Variants in DYSF observed in about 807,000 individuals in gnomAD.
DYSF encodes the protein dysferlin.
In DYSF, 212 loss-of-function variants were observed where a neutral mutation model predicts 274.9. The observed-to-expected ratio is 0.77, with a 90% CI of 0.69 to 0.86. The LOEUF (loss-of-function observed/expected upper bound fraction) is 0.86, where lower values mean the gene tolerates loss of function less well. DYSF is among the 40% of genes least tolerant of loss of function. DYSF has a pLI of 0.00. For missense variants in DYSF, 2,666 were observed against 2,783.2 expected (o/e 0.96, Z 0.95); for synonymous variants, 1,091 against 1,078.7 (o/e 1.01, Z -0.22).
At chr2:71,657,941 C>G (rs1227562423) in intron 43 of DYSF, among the ~76,000 whole-genome samples, 1 of 152,208 alleles carries the variant, frequency 6.6e-6, no homozygotes, top group Non-Finnish European at 1.5e-5. Context: ...CTCCTTGCTA[C>G]TTATGCAAAT....
At chr2:71,655,511 A>C (rs1185623664) in intron 42 of DYSF, among the ~76,000 whole-genome samples, 1 of 152,244 alleles carries the variant, frequency 6.6e-6, no homozygotes, top group African/African-American at 2.4e-5. Context: ...TTGCTGCTTT[A>C]TTAAATCCTA....
chr2:71,679,359 G>A (rs2095267149), intron 53 of DYSF, 124 bp downstream of exon 53: 2 of 956,236 alleles, frequency 2.1e-6, no homozygotes, highest in African/African-American at 3.4e-5. Context: ...CCCCTCTCCT[G>A]CCCCCATCCC....
At chr2:71,598,261 C>T (rs2093454188) in intron 32 of DYSF, among the ~76,000 whole-genome samples, 2 of 152,244 alleles carry the variant, frequency 1.3e-5, no homozygotes, top group Non-Finnish European at 1.5e-5. Flanking sequence ...GCACTCACTT[C>T]CCCCAGCTGG....
intron 48 of DYSF, 113 bp from the exon 49 acceptor site, chr2:71,668,641 G>T (rs1474415996): frequency 4.9e-6 from 5 of 1,023,506 alleles, no homozygotes; most frequent in Non-Finnish European, 7.3e-6. Flanking sequence ...GGCTTTCTCT[G>T]GAAGGGCCTG....
At chr2:71,577,601 C>T (rs2092752247) in intron 30 of DYSF, among the ~76,000 whole-genome samples, 1 of 151,946 alleles carries the variant, frequency 6.6e-6, no homozygotes, top group Admixed American at 6.6e-5. Flanking sequence ...CACACCAACA[C>T]ATAGACACAC....
rs1421214307 is a variant in DYSF, at chr2:71,553,293, G to T, written c.1984+105G>T. Reference sequence around the variant, plus strand: ...GAAAGCTGCCAGAGTCTACTCAAAGGCCCTGGTCCTGGCCCTGGCAAACCT... The same window carrying T: ...GAAAGCTGCCAGAGTCTACTCAAAGTCCCTGGTCCTGGCCCTGGCAAACCT... On this transcript the variant is annotated intron_variant, in intron 20 of 55. Coordinates refer to ENST00000410020, the MANE Select transcript of DYSF (RefSeq NM_001130987.2). 5 of 1,541,296 alleles carry T rather than the reference G, an allele frequency of 3.2e-6. No individual in the cohort carries two copies. The East Asian group carries it at 1.1e-4, about 35-fold the overall frequency.
intron 4 of DYSF, among the ~76,000 whole-genome samples, chr2:71,508,370 G>A (rs778802385): frequency 7.2e-5 from 11 of 152,102 alleles, no homozygotes; most frequent in South Asian, 2.1e-4. Context: ...GACCCCAGTC[G>A]CGGCTCATCC....
intron 41 of DYSF, among the ~76,000 whole-genome samples, chr2:71,637,945 G>A (rs1374832700): frequency 2.6e-5 from 4 of 152,144 alleles, no homozygotes; most frequent in Non-Finnish European, 5.9e-5. Context: ...GGTGTGGCCG[G>A]GAGGAAGGTC....
intron 14 of DYSF, among the ~76,000 whole-genome samples, chr2:71,533,073 G>T (rs910757858): frequency 2.0e-5 from 3 of 152,156 alleles, no homozygotes; most frequent in African/African-American, 7.2e-5. Context: ...AGGCTGGAGT[G>T]CAGTGGTGCA....
rs1355738483 is a variant in DYSF at position 71,679,095 on chromosome 2, G to A, written c.5923G>A (p.Ala1975Thr). Residue 1975 changes from alanine (A) to threonine (T), a missense_variant, in exon 53 of 56, where the codon GCC becomes ACC. Around this residue, in one of 3 missense-constraint regions of DYSF, gnomAD observed 1,460 missense variants for 1,502.1 expected, o/e 0.97. Transcript: ENST00000410020. ...QLDLNRMPKP[A>T]KTAKKCSLDQ... ...CGATCTCAACCGCATGCCCAAGCCA[G>A]CCAAGACAGCCAAGAAGTGCTCCTT... 4 of 1,614,026 alleles carry A rather than the reference G, an allele frequency of 2.5e-6. No individual in the cohort carries two copies. The Admixed American group carries it at 6.7e-5, about 27-fold the overall frequency.
Position 71,643,960 on chromosome 2 carries a change from C to G in DYSF, c.4528-5C>G, listed in dbSNP as rs774448845. On this transcript the variant is annotated splice_polypyrimidine_tract_variant and splice_region_variant and intron_variant, in intron 41 of 55. Coordinates refer to ENST00000410020, the MANE Select transcript of DYSF (RefSeq NM_001130987.2). ...GAAATGGTCTCTTTCTTTCTACCCA[C>G]TCAGGAGGAAGAGTTCATCGATTGG... 27 of 1,605,566 alleles carry G rather than the reference C, an allele frequency of 1.7e-5. No individual in the cohort carries two copies. Among genetic ancestry groups the G allele is most frequent in the Admixed American group, 5.1e-5 (3 of 59,120 alleles).
intron 30 of DYSF, among the ~76,000 whole-genome samples, chr2:71,585,299 G>A (rs1246048643): frequency 6.6e-6 from 1 of 152,326 alleles, no homozygotes; most frequent in Non-Finnish European, 1.5e-5. Flanking sequence ...GAGGCTATGC[G>A]TGTTAGAATG....
intron 51 of DYSF, among the ~76,000 whole-genome samples, chr2:71,670,871 G>A (rs1367452364): frequency 6.6e-6 from 1 of 152,032 alleles, no homozygotes. Context: ...GTCCCACCCG[G>A]CATTAAATTC....
rs1342948750 is a variant in DYSF, at chr2:71,598,832, C to G, written c.3756+87C>G. 3.3e-6 allele frequency: 5 copies of G among 1,498,414 alleles called. No individual in the cohort carries two copies. The African/African-American group carries it at 6.8e-5, about 20-fold the overall frequency. The allele number at this position is 1,498,414 out of a possible 1,614,324, so 92.8% of individuals were successfully genotyped here. On this transcript the variant is annotated intron_variant, in intron 33 of 55. Transcript: ENST00000410020. ...TCTCCAGGGACTCGTGGCTGCCCAG[C>G]CAGATGGGTGCTCTCCTAACTCCAC...
chr2:71,520,190 A>G lies in DYSF; in HGVS notation c.1015A>G (p.Thr339Ala), dbSNP rs781572695. 1.8e-5 allele frequency: 29 copies of G among 1,614,148 alleles called. No homozygotes were observed. Among genetic ancestry groups the G allele is most frequent in the Non-Finnish European group, 2.4e-5 (28 of 1,180,044 alleles). The change falls in exon 11 of 56, where the codon ACC (threonine) becomes GCC (alanine). Residue 339 changes from threonine to alanine, a missense_variant. Coordinates refer to ENST00000410020, the MANE Select transcript of DYSF (RefSeq NM_001130987.2). ...TCATTGATTGCAGATGGACGTGGGC[A>G]CCATTTACAGAGAGCCCCGTGAGTT... Reference protein sequence around the residue: ...LLGEFRMDVGTIYREPRHAYL... With the variant: ...LLGEFRMDVGAIYREPRHAYL...
chr2:71,528,549 C>A, intron 14 of DYSF, 148 bp downstream of exon 14: 1 of 694,620 alleles, frequency 1.4e-6, no homozygotes, highest in Non-Finnish European at 2.5e-6. Flanking sequence ...TGGTGAGACA[C>A]CCACATAGGC....
intron 51 of DYSF, among the ~76,000 whole-genome samples, chr2:71,672,523 C>T (rs892425291): frequency 1.4e-4 from 21 of 152,202 alleles, no homozygotes; most frequent in African/African-American, 4.8e-4. Context: ...GCCAGGCTCC[C>T]CACCTGGAGC....
At chr2:71,512,311 C>T (rs2086182613) in intron 5 of DYSF, among the ~76,000 whole-genome samples, 1 of 152,200 alleles carries the variant, frequency 6.6e-6, no homozygotes, top group Admixed American at 6.5e-5. Flanking sequence ...GAATGTTTCC[C>T]TACCTCAGCA....
intron 36 of DYSF, among the ~76,000 whole-genome samples, chr2:71,606,898 C>G (rs1395366677): frequency 6.6e-6 from 1 of 152,130 alleles, no homozygotes; most frequent in Non-Finnish European, 1.5e-5. Flanking sequence ...GAGGACAGTG[C>G]GTGTTGGATT....
Sources: allele counts gnomAD v4.1 joint callset (sites outside exome capture counted in the v4.1 genomes callset), GRCh38; gene constraint gnomAD v4.1.1; regional missense constraint gnomAD v4.1.1; transcripts MANE v1.5; gene names NCBI Gene and HGNC (gene_info 2026-07-23, HGNC 2026-07-21).